The following SERPINI1 variants were observed in gnomAD, a reference collection of about 807,000 sequenced individuals.
The protein encoded by SERPINI1 is serpin family I member 1.
SERPINI1 carries 19 observed loss-of-function variants against 41.1 expected under a neutral mutation model. That is an observed-to-expected ratio of 0.46 (90% CI 0.32 to 0.68). The LOEUF (loss-of-function observed/expected upper bound fraction) is 0.68. Among genes scored for constraint, SERPINI1 ranks in the 30% least tolerant of loss-of-function variants. The pLI is 0.03. For missense variants in SERPINI1, 460 were observed against 479.2 expected, an observed-to-expected ratio of 0.96 and a Z score of 0.37; for synonymous variants, 138 against 156.6, an observed-to-expected ratio of 0.88 and a Z score of 0.89.
In SERPINI1 at chr3:167,807,258, A is replaced by G. The variant is rs1371004970; in HGVS notation, c.896A>G (p.Gln299Arg). ...GTGTTCTCCAGGTTCACAGTGGAAC[A>G]GGAAATTGATTTAAAAGATGTTTTG... ...EVYLPRFTVE[Q>R]EIDLKDVLKA... is the part of the protein sequence containing the mutation. Residue 299 changes from glutamine (Q) to arginine (R), a missense_variant, in exon 6 of 9, where the codon CAG becomes CGG. Transcript: ENST00000446050. 6.2e-7 allele frequency: 1 copy of G among 1,611,852 alleles called. No individual in the cohort carries two copies. The highest frequency in any genetic ancestry group is 1.1e-5 in the South Asian group (1 of 91,014).
intron 8 of SERPINI1, among the ~76,000 whole-genome samples, chr3:167,824,845 C>T (rs1712459813): frequency 6.6e-6 from 1 of 151,870 alleles, no homozygotes; most frequent in African/African-American, 2.4e-5. Context: ...TCAAGACCAG[C>T]CTGGGTAACA....
chr3:167,740,368 G>C (rs545427606), intron 1 of SERPINI1, among the ~76,000 whole-genome samples: 1 of 152,262 alleles, frequency 6.6e-6, no homozygotes, highest in East Asian at 1.9e-4. Context: ...GCCTTGTGTA[G>C]AGTAAACTTA....
intron 1 of SERPINI1, among the ~76,000 whole-genome samples, chr3:167,777,945 T>C (rs1727012926): frequency 6.6e-6 from 1 of 152,188 alleles, no homozygotes; most frequent in African/African-American, 2.4e-5. Flanking sequence ...TTTGGCCTCC[T>C]TTTCCTCTCC....
At chr3:167,749,092 A>G (rs1725960096) in intron 1 of SERPINI1, among the ~76,000 whole-genome samples, 1 of 152,228 alleles carries the variant, frequency 6.6e-6, no homozygotes, top group African/African-American at 2.4e-5. Context: ...TCATGTTATT[A>G]AAAATTACTC....
intron 1 of SERPINI1, among the ~76,000 whole-genome samples, chr3:167,764,333 G>A (rs1726487785): frequency 6.6e-6 from 1 of 152,140 alleles, no homozygotes; most frequent in African/African-American, 2.4e-5. Context: ...ACGTGGCTGG[G>A]GAGGCCTCAC....
intron 1 of SERPINI1, among the ~76,000 whole-genome samples, chr3:167,747,645 AAAC>A (rs148708499): frequency 1.1e-4 from 16 of 151,786 alleles, no homozygotes; most frequent in Non-Finnish European, 1.6e-4. Flanking sequence ...CTACGTCTCA[AAAC>A]AACAACAACA....
rs569273238 is a variant in SERPINI1 at position 167,823,743 on chromosome 3, AC to A, written c.1066+675del. ...TCGTACCCACTAACTATCCCAACAT[AC>A]CCCACCTCTATCACTTTCATGATAG... On this transcript the variant is annotated intron_variant, in intron 7 of 8. Coordinates refer to ENST00000446050, the MANE Select transcript of SERPINI1 (RefSeq NM_001122752.2). Among the ~76,000 whole-genome samples the A allele has an allele frequency of 2.7e-3, 408 of 152,260 alleles. 2 individuals carry two copies. Among genetic ancestry groups the A allele is most frequent in the African/African-American group, 9.2e-3 (381 of 41,554 alleles).
chr3:167,749,709 T>A (rs1355188757), intron 1 of SERPINI1, among the ~76,000 whole-genome samples: 1 of 152,206 alleles, frequency 6.6e-6, no homozygotes, highest in African/African-American at 2.4e-5. Context: ...GCTGTGAAAT[T>A]CACCTTATTT....
chr3:167,793,222 A>C (rs1727587940), intron 4 of SERPINI1, among the ~76,000 whole-genome samples: 1 of 152,296 alleles, frequency 6.6e-6, no homozygotes, highest in South Asian at 2.1e-4. Context: ...ATGGCCAAAC[A>C]TAATTGTTTG....
At chr3:167,772,887 TATATATACACACACACACACAC>T (rs1477932528) in intron 1 of SERPINI1, among the ~76,000 whole-genome samples, 1,129 of 75,584 alleles carry the variant, frequency 0.015, 33 homozygotes, top group African/African-American at 0.034. Flanking sequence ...TATATATATA[TATATATACACACACACACACAC>T]ACACACACAC....
chr3:167,744,762 TAA>T (rs1244288107), intron 1 of SERPINI1, among the ~76,000 whole-genome samples: 16 of 103,234 alleles, frequency 1.5e-4, no homozygotes, highest in South Asian at 7.2e-4. Context: ...ATTTATATAT[TAA>T]ATATATATTA....
intron 1 of SERPINI1, among the ~76,000 whole-genome samples, chr3:167,744,766 T>C (rs1725804942): frequency 1.0e-5 from 1 of 97,368 alleles, no homozygotes; most frequent in South Asian, 2.5e-4. Context: ...ATATATTAAA[T>C]ATATATTATA....
intron 1 of SERPINI1, among the ~76,000 whole-genome samples, chr3:167,784,161 C>T (rs1187771114): frequency 6.6e-6 from 1 of 152,140 alleles, no homozygotes; most frequent in East Asian, 1.9e-4. Flanking sequence ...CATCTGTAAC[C>T]TCTGTAAACC....
In SERPINI1 at chr3:167,794,840, G is replaced by T; in HGVS notation, c.881+16G>T. On this transcript the variant is annotated intron_variant, in intron 5 of 8. Coordinates refer to ENST00000446050, the MANE Select transcript of SERPINI1 (RefSeq NM_001122752.2). ...ACCTGCCCAGGTATGAGGTTCCTGT[G>T]TCACCCGTCCCACAGCATGGACGAT... is the stretch of plus-strand genomic sequence containing the variant. 6.2e-7 allele frequency: 1 copy of T among 1,607,308 alleles called. No homozygotes were observed. Among genetic ancestry groups the T allele is most frequent in the Non-Finnish European group, 8.5e-7 (1 of 1,175,336 alleles).
chr3:167,811,362 G>A (rs1388530872), intron 6 of SERPINI1, among the ~76,000 whole-genome samples: 1 of 150,858 alleles, frequency 6.6e-6, no homozygotes, highest in Non-Finnish European at 1.5e-5. Flanking sequence ...TCCTATACTG[G>A]AGAAAGCATG....
At chr3:167,738,619 G>A (rs961593082) in intron 1 of SERPINI1, among the ~76,000 whole-genome samples, 1 of 151,580 alleles carries the variant, frequency 6.6e-6, no homozygotes, top group Admixed American at 6.6e-5. Context: ...ATTTGTAGAG[G>A]CCTGTATTCA....
intron 6 of SERPINI1, among the ~76,000 whole-genome samples, chr3:167,822,691 A>G (rs1712377171): frequency 6.6e-6 from 1 of 152,222 alleles, no homozygotes; most frequent in South Asian, 2.1e-4. Flanking sequence ...TGACTTATGA[A>G]ATAATTTGAA....
chr3:167,821,296 G>C (rs1712317488), intron 6 of SERPINI1, among the ~76,000 whole-genome samples: 1 of 152,176 alleles, frequency 6.6e-6, no homozygotes, highest in South Asian at 2.1e-4. Context: ...AAGTGCCGTG[G>C]CCCTTCAGGG....
intron 6 of SERPINI1, among the ~76,000 whole-genome samples, chr3:167,813,119 C>G (rs1711948222): frequency 6.6e-6 from 1 of 152,206 alleles, no homozygotes; most frequent in South Asian, 2.1e-4. Context: ...TATGCTGGAC[C>G]TACTCTTACC....
Sources: gnomAD v4.1 joint callset for allele counts (sites outside exome capture counted in the v4.1 genomes callset) on GRCh38, gnomAD v4.1.1 for gene constraint, MANE v1.5 for transcripts, NCBI Gene and HGNC (gene_info 2026-07-23, HGNC 2026-07-21) for gene names.